The following WDPCP variants were observed in gnomAD, a reference collection of about 807,000 sequenced individuals.
WDPCP encodes the protein WD repeat containing planar cell polarity effector.
WDPCP carries 71 observed loss-of-function variants against 93.1 expected under a neutral mutation model. The ratio of observed to expected loss-of-function variants is 0.76; its 90% confidence interval spans 0.63 to 0.93. The LOEUF is 0.93. WDPCP is among the 40% of genes least tolerant of loss of function. The probability of loss-of-function intolerance (pLI) is 0.00; values close to 1 mark genes in which losing one functional copy is unlikely to be tolerated. For synonymous variants in WDPCP, 315 were observed against 315.0 expected, an observed-to-expected ratio of 1.00 and a Z score of 0.00; for missense variants, 844 against 887.4, an observed-to-expected ratio of 0.95 and a Z score of 0.62.
At chr2:63,804,782 C>T (rs1380979097) in intron 2 of WDPCP, among the ~76,000 whole-genome samples, 1 of 151,832 alleles carries the variant, frequency 6.6e-6, no homozygotes, top group Admixed American at 6.6e-5. Context: ...CTAATACCAG[C>T]ACTTTGGGAG....
rs145798447 is a variant in WDPCP at position 63,444,024 on chromosome 2, G to A, written c.385-4153C>T. 1.7e-4 allele frequency among the ~76,000 whole-genome samples: 26 copies of A among 152,214 alleles called. 1 individual carries two copies. The East Asian group carries it at 5.0e-3, about 29-fold the overall frequency. ...AATCAGAAATGTGTCTGAACTTCAT[G>A]GGGGACTACAGAGGTATATCTGGGA... is the stretch of plus-strand genomic sequence containing the variant. On this transcript the variant is annotated intron_variant, in intron 6 of 17. Transcript: ENST00000272321.
chr2:63,228,867 A>G (rs991759689), intron 14 of WDPCP: 1 of 152,150 alleles, frequency 6.6e-6, no homozygotes, highest in Admixed American at 6.5e-5. Flanking sequence ...AGTCTTAGCT[A>G]TTGTGAATAG....
intron 14 of WDPCP, among the ~76,000 whole-genome samples, chr2:63,181,001 G>A (rs577597046): frequency 2.6e-5 from 4 of 152,066 alleles, no homozygotes; most frequent in African/African-American, 9.6e-5. Flanking sequence ...CATGTTCTTT[G>A]CCCATTCAGT....
intron 1 of WDPCP, among the ~76,000 whole-genome samples, chr2:63,540,693 G>A (rs541317311): frequency 1.3e-5 from 2 of 152,208 alleles, no homozygotes; most frequent in Admixed American, 6.5e-5. Context: ...TAATTAAAAC[G>A]ATTAAATTCT....
intron 2 of WDPCP, among the ~76,000 whole-genome samples, chr2:63,691,002 A>G (rs895049209): frequency 2.0e-5 from 3 of 152,200 alleles, no homozygotes; most frequent in African/African-American, 7.2e-5. Flanking sequence ...ATGCAAATGT[A>G]TATCAGTGGG....
intron 2 of WDPCP, among the ~76,000 whole-genome samples, chr2:63,753,519 AC>A (rs1268714318): frequency 6.6e-6 from 1 of 152,200 alleles, no homozygotes; most frequent in Non-Finnish European, 1.5e-5. Context: ...CACAGGCTGT[AC>A]AGGAAGCATA....
chr2:63,454,061 A>T (rs991287690), intron 6 of WDPCP, among the ~76,000 whole-genome samples: 7 of 151,896 alleles, frequency 4.6e-5, no homozygotes, highest in Non-Finnish European at 1.0e-4. Context: ...CATATGTAAC[A>T]AACCTGCACG....
At chr2:63,242,975 C>T (rs1679977877) in intron 14 of WDPCP, among the ~76,000 whole-genome samples, 1 of 152,122 alleles carries the variant, frequency 6.6e-6, no homozygotes, top group Non-Finnish European at 1.5e-5. Context: ...ACCAGCATGC[C>T]TTACCAGTCC....
chr2:63,739,959 A>G (rs190668017), intron 2 of WDPCP, among the ~76,000 whole-genome samples: 43 of 152,118 alleles, frequency 2.8e-4, no homozygotes, highest in Non-Finnish European at 5.3e-4. Flanking sequence ...TAACATGGTT[A>G]ATAAACATTA....
intron 1 of WDPCP, among the ~76,000 whole-genome samples, chr2:63,547,706 A>T (rs965550078): frequency 5.9e-5 from 9 of 151,740 alleles, no homozygotes; most frequent in Admixed American, 5.3e-4. Flanking sequence ...GAGAAAGACA[A>T]ATATCACATG....
In WDPCP at chr2:63,484,650, T is replaced by C; in HGVS notation, c.338A>G (p.Asn113Ser). 6.2e-7 allele frequency: 1 copy of C among 1,612,896 alleles called. No homozygotes were observed. Among genetic ancestry groups the C allele is most frequent in the Non-Finnish European group, 8.5e-7 (1 of 1,179,236 alleles). The change falls in exon 6 of 18, where the codon AAC (asparagine) becomes AGC (serine). Residue 113 changes from asparagine (N) to serine (S), a missense_variant. Coordinates refer to ENST00000272321, the MANE Select transcript of WDPCP (RefSeq NM_015910.7). ...CCATTTGCTCAGCACACACCGACTGTTTTGCATCAGCTCCTGAAGCACAAC... is the reference window on the plus strand; with the variant it reads ...CCATTTGCTCAGCACACACCGACTGCTTTGCATCAGCTCCTGAAGCACAAC... ...SLKELEELMQ[N>S]SRCVLSKWKN...
intron 14 of WDPCP, among the ~76,000 whole-genome samples, chr2:63,179,792 G>A (rs1192809521): frequency 6.6e-6 from 1 of 152,022 alleles, no homozygotes; most frequent in African/African-American, 2.4e-5. Context: ...TAATTTTCAT[G>A]TATTTGTGGA....
chr2:63,738,135 C>T (rs902047101), intron 2 of WDPCP, among the ~76,000 whole-genome samples: 11 of 152,034 alleles, frequency 7.2e-5, no homozygotes, highest in Non-Finnish European at 1.0e-4. Context: ...TGTAGTTTTC[C>T]CACACCCCTC....
intron 2 of WDPCP, among the ~76,000 whole-genome samples, chr2:63,705,592 A>G (rs1669136971): frequency 2.0e-5 from 3 of 152,136 alleles, no homozygotes; most frequent in African/African-American, 7.2e-5. Context: ...TTCAGTTTCC[A>G]TGTAGTTGAG....
At chr2:63,399,013 TCTA>T (rs1213747491) in intron 10 of WDPCP, among the ~76,000 whole-genome samples, 1 of 152,158 alleles carries the variant, frequency 6.6e-6, no homozygotes, top group East Asian at 1.9e-4. Flanking sequence ...TTTCAAGGAA[TCTA>T]CTCTTCCGAG....
At chr2:63,232,109 G>C (rs1433733834) in intron 14 of WDPCP, among the ~76,000 whole-genome samples, 1 of 152,178 alleles carries the variant, frequency 6.6e-6, no homozygotes, top group Non-Finnish European at 1.5e-5. Flanking sequence ...AAATGGTACT[G>C]GGAAAACTGG....
intron 2 of WDPCP, among the ~76,000 whole-genome samples, chr2:63,794,839 T>C (rs1429920069): frequency 6.6e-6 from 1 of 152,258 alleles, no homozygotes; most frequent in Non-Finnish European, 1.5e-5. Context: ...TTCTTAGCTC[T>C]AGTCACCAGC....
At chr2:63,183,694 C>T (rs1421435847) in intron 14 of WDPCP, among the ~76,000 whole-genome samples, 1 of 151,980 alleles carries the variant, frequency 6.6e-6, no homozygotes, top group African/African-American at 2.4e-5. Context: ...TTTTCTGTCT[C>T]AATGATCTGT....
intron 1 of WDPCP, among the ~76,000 whole-genome samples, chr2:63,822,328 T>C (rs1306429898): frequency 6.6e-6 from 1 of 152,102 alleles, no homozygotes; most frequent in Non-Finnish European, 1.5e-5. Context: ...GACACTGAAG[T>C]TGTCAAAACA....
Sources: gnomAD v4.1 joint callset for allele counts (sites outside exome capture counted in the v4.1 genomes callset) on GRCh38, gnomAD v4.1.1 for gene constraint, MANE v1.5 for transcripts, NCBI Gene and HGNC (gene_info 2026-07-23, HGNC 2026-07-21) for gene names.